NEBL: variants seen among roughly 807,000 people sequenced by gnomAD.
NEBL encodes LIM and SH3 protein 2.
A neutral mutation model predicts 140.2 loss-of-function variants in NEBL; 122 were observed. The observed-to-expected ratio is 0.87, with a 90% CI of 0.75 to 1.01. NEBL has a LOEUF of 1.01. NEBL is among the 50% of genes least tolerant of loss of function. The pLI, the probability that NEBL is intolerant of heterozygous loss-of-function variation, is 0.00. For missense variants in NEBL, 1,365 were observed against 1,231.3 expected, an observed-to-expected ratio of 1.11 and a Z score of -1.62; for synonymous variants, 436 against 398.9, an observed-to-expected ratio of 1.09 and a Z score of -1.11.
At chr10:20,805,263 T>C (rs77696664) in intron 26 of NEBL, among the ~76,000 whole-genome samples, 3,100 of 152,288 alleles carry the variant, frequency 0.02, 105 homozygotes, top group African/African-American at 0.069. Context: ...TAAGGTTTGA[T>C]ATATGTCACT....
At chr10:21,124,044 C>A (rs1838705428) in intron 2 of NEBL, among the ~76,000 whole-genome samples, 1 of 152,008 alleles carries the variant, frequency 6.6e-6, no homozygotes, top group Admixed American at 6.6e-5. Context: ...TTGTAAACCA[C>A]TGAAATACCT....
At position 20,781,984 on chromosome 10, in the gene NEBL, C is replaced by T. The variant is rs1016827757; in HGVS notation, c.*3763G>A. 6.6e-6 allele frequency: 1 copy of T among 152,556 alleles called. No homozygotes were observed. The highest frequency in any genetic ancestry group is 2.4e-5 in the African/African-American group (1 of 41,430). 9.5% of individuals were successfully genotyped at this position (152,556 alleles called of 1,614,324 possible). ...ATCTTGTGTAGTGAATCCAGCCTCA[C>T]AATTATTCTATCTTACAATAGGCAT... On this transcript the variant is annotated 3_prime_UTR_variant, in exon 28 of 28. Coordinates refer to ENST00000377122, the MANE Select transcript of NEBL (RefSeq NM_006393.3).
chr10:21,004,191 G>A (rs1275250022), intron 3 of NEBL, among the ~76,000 whole-genome samples: 1 of 152,036 alleles, frequency 6.6e-6, no homozygotes, highest in African/African-American at 2.4e-5. Flanking sequence ...GAATGCAGTG[G>A]ATATTTGGTA....
At chr10:21,247,264 A>T (rs1312010200) in intron 3 of NEBL, among the ~76,000 whole-genome samples, 1 of 152,246 alleles carries the variant, frequency 6.6e-6, no homozygotes, top group East Asian at 1.9e-4. Flanking sequence ...GTACAACGGA[A>T]TACTATTCAG....
At chr10:21,175,787 A>C (rs1196471218), upstream of NEBL, among the ~76,000 whole-genome samples, 5 of 152,224 alleles carry the variant, frequency 3.3e-5, no homozygotes, top group East Asian at 1.9e-4. Flanking sequence ...ATGTATGACG[A>C]GGGGAAAAAA....
intron 1 of NEBL, among the ~76,000 whole-genome samples, chr10:21,265,975 CAG>C (rs904929117): frequency 6.6e-6 from 1 of 152,194 alleles, no homozygotes; most frequent in Non-Finnish European, 1.5e-5. Context: ...TATTTATCAA[CAG>C]ACTCTAATCC....
chr10:21,140,286 G>A (rs551082738), intron 2 of NEBL, among the ~76,000 whole-genome samples: 9 of 152,184 alleles, frequency 5.9e-5, no homozygotes, highest in Admixed American at 1.3e-4. Context: ...AAATATGAGC[G>A]TTTTCAAACA....
rs747241862 is a variant in NEBL at position 21,181,985 on chromosome 10, C to A, written n.349-9508G>T. ...AAGTGAGGAGGTGGACTGGACAGGA[C>A]CAAATGGGGCACAGGGACCGCCCAT... On this transcript the variant is annotated intron_variant and non_coding_transcript_variant, in intron 3 of 8. Transcript: ENST00000675702. Among the ~76,000 whole-genome samples the A allele has an allele frequency of 3.9e-5, 6 of 152,144 alleles. 1 individual carries two copies. Among genetic ancestry groups the A allele is most frequent in the Admixed American group, 2.6e-4 (4 of 15,272 alleles).
chr10:21,020,942 G>A (rs1838766101), intron 2 of NEBL, among the ~76,000 whole-genome samples: 1 of 152,116 alleles, frequency 6.6e-6, no homozygotes, highest in South Asian at 2.1e-4. Flanking sequence ...CGAAGTCTGA[G>A]TTTCAGATCC....
At chr10:21,240,947 A>G (rs866309553) in intron 3 of NEBL, among the ~76,000 whole-genome samples, 1 of 121,196 alleles carries the variant, frequency 8.3e-6, no homozygotes. Context: ...CACACACACA[A>G]AACCAGTATC....
chr10:20,989,483 C>CA (rs938426301), intron 3 of NEBL, among the ~76,000 whole-genome samples: 10 of 152,106 alleles, frequency 6.6e-5, no homozygotes, highest in Middle Eastern at 6.8e-3. Context: ...ACCAAAATTC[C>CA]AAAAAATGTT....
In NEBL at chr10:20,814,022, T is replaced by C. The variant is rs1374497529; in HGVS notation, c.2263A>G (p.Lys755Glu). The change falls in exon 23 of 28, where the codon AAA becomes GAA. Residue 755 changes from lysine (K) to glutamate (E), a missense_variant. Lys to Glu is a moderately conservative substitution (Grantham distance 56). Transcript: ENST00000377122. ...AGACTTGGTCTACCTTTCATCTGTT[T>C]ATGGTCCTGGGTATATTTTACCTGC... Reference protein sequence around the residue: ...ISSVKYTQDHKQMKGRPSLIL... With the variant: ...ISSVKYTQDHEQMKGRPSLIL... The C allele has an allele frequency of 1.2e-6, 2 of 1,607,482 alleles. No homozygotes were observed. Among genetic ancestry groups the C allele is most frequent in the African/African-American group, 1.3e-5 (1 of 74,772 alleles).
chr10:20,974,714 T>A (rs1836720157), intron 3 of NEBL, among the ~76,000 whole-genome samples: 1 of 152,200 alleles, frequency 6.6e-6, no homozygotes, highest in South Asian at 2.1e-4. Flanking sequence ...GCTCAGTAGG[T>A]GTCCATCAAA....
chr10:21,185,738 C>A (rs755142895), intron 3 of NEBL, among the ~76,000 whole-genome samples: 1 of 152,034 alleles, frequency 6.6e-6, no homozygotes, highest in Non-Finnish European at 1.5e-5. Context: ...CTCAGTTGAT[C>A]CACCTCGCCT....
intron 3 of NEBL, among the ~76,000 whole-genome samples, chr10:21,004,384 G>A (rs1298112229): frequency 2.0e-5 from 3 of 152,088 alleles, no homozygotes; most frequent in Non-Finnish European, 4.4e-5. Flanking sequence ...TATTTGGGAC[G>A]ACGTTCTATG....
intron 3 of NEBL, among the ~76,000 whole-genome samples, chr10:21,018,520 C>T (rs1838650281): frequency 6.6e-6 from 1 of 152,142 alleles, no homozygotes; most frequent in African/African-American, 2.4e-5. Flanking sequence ...CAGCATTTTA[C>T]ACAAACTAAA....
intron 9 of NEBL, among the ~76,000 whole-genome samples, chr10:20,854,670 T>C (rs1353962457): frequency 3.6e-5 from 5 of 140,138 alleles, no homozygotes; most frequent in African/African-American, 1.3e-4. Context: ...GCTCAAGCAA[T>C]CTTCCCATCT....
intron 22 of NEBL, among the ~76,000 whole-genome samples, chr10:20,814,414 A>G (rs1251053926): frequency 6.6e-6 from 1 of 151,842 alleles, no homozygotes; most frequent in Non-Finnish European, 1.5e-5. Context: ...TGGGCAGCAC[A>G]GTGAAACCCC....
At chr10:20,935,577 T>C (rs12261038) in intron 4 of NEBL, among the ~76,000 whole-genome samples, 3,348 of 152,292 alleles carry the variant, frequency 0.022, 123 homozygotes, top group African/African-American at 0.074. Flanking sequence ...GAGAGACTGA[T>C]TCTGGAATCT....
Sources: gnomAD v4.1 joint callset for allele counts (sites outside exome capture counted in the v4.1 genomes callset) on GRCh38, gnomAD v4.1.1 for gene constraint, MANE v1.5 for transcripts, NCBI Gene and HGNC (gene_info 2026-07-23, HGNC 2026-07-21) for gene names.